HEATR5A: variants seen among roughly 807,000 people sequenced by gnomAD.
The protein encoded by HEATR5A is HEAT repeat-containing protein 5A.
Under a neutral mutation model 218.8 loss-of-function variants are expected in HEATR5A, and 178 were observed. The ratio of observed to expected loss-of-function variants is 0.81; its 90% CI spans 0.72 to 0.92. The LOEUF (loss-of-function observed/expected upper bound fraction) is 0.92, where lower values mean the gene tolerates loss of function less well. Ranked by LOEUF, HEATR5A falls within the 40% of genes least tolerant of loss-of-function variation. The pLI, the probability that HEATR5A is intolerant of heterozygous loss-of-function variation, is 0.00. For synonymous variants in HEATR5A, 864 were observed against 871.6 expected, an observed-to-expected ratio of 0.99 and a Z score of 0.15; for missense variants, 2,420 against 2,418.9, an observed-to-expected ratio of 1.00 and a Z score of -0.01.
At chr14:31,333,971 G>C (rs1036215797) in intron 22 of HEATR5A, among the ~76,000 whole-genome samples, 2 of 150,064 alleles carry the variant, frequency 1.3e-5, no homozygotes, top group Non-Finnish European at 3.0e-5. Context: ...CTGGAAAGTA[G>C]AGGCTGAAGT....
chr14:31,375,005 CA>C, intron 11 of HEATR5A, 37 bp from the exon 12 acceptor site: 1 of 1,538,196 alleles, frequency 6.5e-7, no homozygotes, highest in Non-Finnish European at 8.8e-7. Flanking sequence ...TAAGAGAATC[CA>C]AGGTTGTCAC....
At position 31,321,487 on chromosome 14, in the gene HEATR5A, G is replaced by C. The variant is rs1445555989; in HGVS notation, c.3969+12C>G. ...TGTTTAATAATAAAATTCTCTAAAA[G>C]AAAGTGCTTACATTGGCTTGATACT... On this transcript the variant is annotated intron_variant, in intron 25 of 35. Transcript: ENST00000543095. 1.3e-6 allele frequency: 2 copies of C among 1,556,966 alleles called. No individual in the cohort carries two copies. The highest frequency in any genetic ancestry group is 2.7e-5 in the African/African-American group (2 of 73,284).
At chr14:31,331,002 C>T (rs34247115) in intron 22 of HEATR5A, among the ~76,000 whole-genome samples, 58,545 of 135,658 alleles carry the variant, frequency 0.43, 13,030 homozygotes, top group Non-Finnish European at 0.51. Flanking sequence ...AGTGCAGTGG[C>T]GCAACCTCAA....
intron 1 of HEATR5A, among the ~76,000 whole-genome samples, chr14:31,411,449 A>G (rs1595189270): frequency 1.3e-5 from 2 of 152,356 alleles, no homozygotes; most frequent in South Asian, 2.1e-4. Flanking sequence ...CTACGAGTGC[A>G]GAAGTTTTAC....
Position 31,349,831 on chromosome 14 carries a change from T to C in HEATR5A, c.2666A>G (p.Asp889Gly). 1 of 1,613,322 alleles carries C rather than the reference T, an allele frequency of 6.2e-7. No individual in the cohort carries two copies. ...SWARLAQVVD[D>G]GAFTAGLAQV... ...AGCTAATCCAGCAGTAAAAGCTCCA[T>C]CATCTACCACTTGGGCTAATCTAGC... The change falls in exon 18 of 36, where the codon GAT (aspartate) becomes GGT (glycine). Residue 889 changes from aspartate (D) to glycine (G), a missense_variant. By Grantham distance (94) the Asp-to-Gly change is moderately conservative. Transcript: ENST00000543095.
chr14:31,335,973 C>CT (rs57556527), intron 22 of HEATR5A, among the ~76,000 whole-genome samples: 2 of 138,146 alleles, frequency 1.4e-5, no homozygotes, highest in Admixed American at 7.3e-5. Context: ...AGATAATTAC[C>CT]TTTTTTTTTT....
rs2030342191 is a variant in HEATR5A at position 31,389,001 on chromosome 14, G to A, written c.777C>T (p.Ala259=). ...ATACTCTGCGAATGCTTTGACGTGA[G>A]GCTGCTATGACAAAGAACAAAACTG... is the stretch of plus-strand genomic sequence containing the variant. ...AVISKHPGTA[A]SRQSIRRVSL... is the part of the protein sequence containing the mutation. The change falls in exon 7 of 36, where the codon GCC becomes GCT. Residue 259 remains alanine, a synonymous_variant. Coordinates refer to ENST00000543095, the MANE Select transcript of HEATR5A (RefSeq NM_015473.4). 1 of 1,607,822 alleles carries A rather than the reference G, an allele frequency of 6.2e-7. No homozygotes were observed. The highest frequency in any genetic ancestry group is 1.7e-5 in the Admixed American group (1 of 58,918).
At chr14:31,299,074 C>T (rs1899282099) in intron 33 of HEATR5A, among the ~76,000 whole-genome samples, 1 of 152,136 alleles carries the variant, frequency 6.6e-6, no homozygotes, top group Non-Finnish European at 1.5e-5. Flanking sequence ...TCTTCTTGCT[C>T]CAGAAACTCA....
intron 23 of HEATR5A, chr14:31,325,957 C>T (rs1900253736): frequency 1.7e-6 from 1 of 578,010 alleles, no homozygotes; most frequent in Non-Finnish European, 3.0e-6. Flanking sequence ...GGAAAAAGAG[C>T]AGGCTTAAGT....
intron 16 of HEATR5A, among the ~76,000 whole-genome samples, chr14:31,353,302 T>C (rs1223029930): frequency 6.6e-6 from 1 of 152,222 alleles, no homozygotes; most frequent in Admixed American, 6.5e-5. Flanking sequence ...TATTAACTAT[T>C]ATATGGTTTT....
At chr14:31,325,601 C>T (rs578138357) in intron 23 of HEATR5A, among the ~76,000 whole-genome samples, 35 of 151,978 alleles carry the variant, frequency 2.3e-4, no homozygotes, top group Non-Finnish European at 4.0e-4. Flanking sequence ...CTCTGCCTCT[C>T]GGGCTCAAGC....
At chr14:31,403,072 A>G (rs772546221) in intron 1 of HEATR5A, 23 bp from the exon 2 acceptor site, 10 of 1,115,142 alleles carry the variant, frequency 9.0e-6, no homozygotes, top group Non-Finnish European at 9.8e-6. Flanking sequence ...AAAATAATGT[A>G]TTTTAAAAGG....
rs1418017818 is a variant in HEATR5A at position 31,313,186 on chromosome 14, T to C, written c.4223A>G (p.Tyr1408Cys). The change falls in exon 28 of 36, where the codon TAC becomes TGC. Residue 1408 changes from tyrosine to cysteine, a missense_variant. Coordinates refer to ENST00000543095, the MANE Select transcript of HEATR5A (RefSeq NM_015473.4). ...TTTATGTCTTTGCACAGCAATTATG[T>C]AGACCTGTTAAAGGTTAATTTAAAA... ...LAVLKAWAEV[Y>C]IIAVQRHKNH... 1 of 1,608,300 alleles carries C rather than the reference T, an allele frequency of 6.2e-7. No homozygotes were observed. Among genetic ancestry groups the C allele is most frequent in the Non-Finnish European group, 8.5e-7 (1 of 1,175,312 alleles).
chr14:31,394,513 T>C (rs375563275), intron 5 of HEATR5A, among the ~76,000 whole-genome samples: 14 of 152,036 alleles, frequency 9.2e-5, no homozygotes, highest in African/African-American at 3.4e-4. Context: ...GGGAGAATAA[T>C]TCCAACATTA....
Position 31,418,413 on chromosome 14 carries a change from C to A in HEATR5A, c.-75+2059G>T, listed in dbSNP as rs1008815782. Among the ~76,000 whole-genome samples, 54 of 152,122 alleles carry A rather than the reference C, an allele frequency of 3.5e-4. 1 individual carries two copies. Among genetic ancestry groups the A allele is most frequent in the Non-Finnish European group, 1.2e-4 (8 of 68,034 alleles). ...CTACTCAAAAACAAAACATGCACAG[C>A]CATAACGAAGGAGCATTGTTGTGTT... On this transcript the variant is annotated intron_variant, in intron 1 of 35. Coordinates refer to ENST00000543095, the MANE Select transcript of HEATR5A (RefSeq NM_015473.4).
At position 31,304,929 on chromosome 14, in the gene HEATR5A, G is replaced by T. The variant is rs1899507003; in HGVS notation, c.5215C>A (p.Leu1739Ile). ...CCTTCAGGAGAGCACACTGCAGGAA[G>T]TTCGGAAAGGATAACCAATGCAGCT... is the stretch of plus-strand genomic sequence containing the variant. Reference protein sequence around the residue: ...VSAALVILSELPAVCSPEGSI... With the variant: ...VSAALVILSEIPAVCSPEGSI... The change falls in exon 32 of 36, where the codon CTT (leucine) becomes ATT (isoleucine). Residue 1739 changes from leucine to isoleucine, a missense_variant. Coordinates refer to ENST00000543095, the MANE Select transcript of HEATR5A (RefSeq NM_015473.4). 3 of 1,613,984 alleles carry T rather than the reference G, an allele frequency of 1.9e-6. No homozygotes were observed. Among genetic ancestry groups the T allele is most frequent in the Non-Finnish European group, 2.5e-6 (3 of 1,179,874 alleles).
chr14:31,351,954 T>C (rs964740542), intron 16 of HEATR5A, among the ~76,000 whole-genome samples: 2 of 152,268 alleles, frequency 1.3e-5, no homozygotes, highest in Non-Finnish European at 2.9e-5. Context: ...CCAAATTTCA[T>C]TATATACACA....
chr14:31,363,949 G>C (rs1566769027), intron 14 of HEATR5A, among the ~76,000 whole-genome samples: 1 of 152,094 alleles, frequency 6.6e-6, no homozygotes. Flanking sequence ...ATACCAGCCT[G>C]GGTAAGAGAG....
chr14:31,349,474 C>G (rs1332705064), intron 18 of HEATR5A, among the ~76,000 whole-genome samples: 1 of 152,018 alleles, frequency 6.6e-6, no homozygotes, highest in Non-Finnish European at 1.5e-5. Context: ...TATTACTTAT[C>G]ATATATGTTT....
Sources: gnomAD v4.1 joint callset for allele counts (sites outside exome capture counted in the v4.1 genomes callset) on GRCh38, gnomAD v4.1.1 for gene constraint, MANE v1.5 for transcripts, NCBI Gene and HGNC (gene_info 2026-07-23, HGNC 2026-07-21) for gene names.